The following DTNB variants were observed in gnomAD, a reference collection of about 807,000 sequenced individuals.
DTNB encodes the protein DTN-B.
A neutral mutation model predicts 90.7 loss-of-function variants in DTNB; 63 were observed. That is an observed-to-expected ratio of 0.69 (90% CI 0.57 to 0.86). DTNB has a LOEUF of 0.86. DTNB is among the 40% of genes least tolerant of loss of function. The pLI, the probability that DTNB is intolerant of heterozygous loss-of-function variation, is 0.00. For synonymous variants in DTNB, 277 were observed against 286.7 expected, an observed-to-expected ratio of 0.97 and a Z score of 0.34; for missense variants, 744 against 807.1, an observed-to-expected ratio of 0.92 and a Z score of 0.95.
intron 4 of DTNB, among the ~76,000 whole-genome samples, chr2:25,621,677 G>C (rs1179003840): frequency 1.5e-5 from 2 of 131,706 alleles, no homozygotes; most frequent in Non-Finnish European, 3.1e-5. Flanking sequence ...GGCTGGTCTT[G>C]AACTCCCGAC....
intron 9 of DTNB, among the ~76,000 whole-genome samples, chr2:25,511,979 G>A (rs562924061): frequency 6.6e-6 from 1 of 152,216 alleles, no homozygotes; most frequent in Non-Finnish European, 1.5e-5. Flanking sequence ...AAAAACCAAG[G>A]ATGTAGATTA....
chr2:25,428,770 G>A (rs545197453), intron 14 of DTNB, among the ~76,000 whole-genome samples: 69 of 152,194 alleles, frequency 4.5e-4, no homozygotes, highest in Middle Eastern at 3.4e-3. Context: ...CAGTGAAATA[G>A]AAGTCAATGG....
chr2:25,516,334 C>T (rs1295112212), intron 9 of DTNB, among the ~76,000 whole-genome samples: 2 of 152,102 alleles, frequency 1.3e-5, no homozygotes, highest in African/African-American at 2.4e-5. Flanking sequence ...GCAGCCTCAA[C>T]CTCCCAGGCT....
intron 12 of DTNB, among the ~76,000 whole-genome samples, chr2:25,449,728 A>G (rs2058981786): frequency 6.6e-6 from 1 of 150,512 alleles, no homozygotes; most frequent in African/African-American, 2.4e-5. Flanking sequence ...TGTTTTGCAA[A>G]TATTTTCTTT....
chr2:25,379,590 A>C, intron 19 of DTNB: 7 of 378,992 alleles, frequency 1.8e-5, no homozygotes, highest in Admixed American at 4.6e-5. Context: ...AACTCCTTAA[A>C]TCCAGGGAGC....
At chr2:25,471,137 C>T (rs929656635) in intron 10 of DTNB, among the ~76,000 whole-genome samples, 45 of 152,268 alleles carry the variant, frequency 3.0e-4, no homozygotes, top group Admixed American at 2.9e-3. Context: ...ATAGTACTGT[C>T]CCATGAGGGC....
chr2:25,408,296 C>T (rs544858317), intron 16 of DTNB, among the ~76,000 whole-genome samples: 4 of 148,516 alleles, frequency 2.7e-5, no homozygotes, highest in Non-Finnish European at 6.0e-5. Flanking sequence ...GCAACAAGAG[C>T]GAGACTCTGT....
intron 10 of DTNB, among the ~76,000 whole-genome samples, chr2:25,478,008 T>C (rs997959411): frequency 9.8e-5 from 8 of 81,684 alleles, no homozygotes; most frequent in Admixed American, 5.2e-4. Flanking sequence ...TTCTTGTGAG[T>C]TTTTACTTTA....
rs550313433 is a variant in DTNB at position 25,600,595 on chromosome 2, G to A, written c.449-4355C>T. The stretch of plus-strand genomic sequence containing the variant: ...CAGTCAAGTTTTCTATCGCCACTCT[G>A]TGTATTCATAACTAATTAACTAATG... On this transcript the variant is annotated intron_variant, in intron 5 of 20. Coordinates refer to ENST00000406818, the MANE Select transcript of DTNB (RefSeq NM_021907.5). 2.0e-5 allele frequency among the ~76,000 whole-genome samples: 3 copies of A among 152,280 alleles called. No homozygotes were observed. The South Asian group carries it at 6.2e-4, about 32-fold the overall frequency.
intron 10 of DTNB, chr2:25,481,624 G>A (rs994434920): frequency 2.6e-5 from 4 of 152,208 alleles, no homozygotes; most frequent in African/African-American, 7.2e-5. Context: ...GAGTCTCCAT[G>A]CGGGTAATGT....
intron 15 of DTNB, 58 bp downstream of exon 15, chr2:25,427,477 G>C: frequency 6.5e-7 from 1 of 1,549,334 alleles, no homozygotes; most frequent in East Asian, 2.3e-5. Context: ...GGAGGCAGCA[G>C]CTGAGGCTGT....
chr2:25,388,312 C>T lies in DTNB; in HGVS notation c.1625G>A (p.Arg542Gln), dbSNP rs1319182856. ...GGAGCGCACTGGCATGGGCATTGGCCGGCCGCCTCCATGGGTGGGCGATGT... is the reference window on the plus strand; with the variant it reads ...GGAGCGCACTGGCATGGGCATTGGCTGGCCGCCTCCATGGGTGGGCGATGT... ...PHTSPTHGGG[R>Q]PMPMPVRSTS... Residue 542 changes from arginine (R) to glutamine (Q), a missense_variant, in exon 17 of 21, where the codon CGG becomes CAG. Arg to Gln is a conservative substitution (Grantham distance 43). Transcript: ENST00000406818. The T allele has an allele frequency of 1.9e-5, 31 of 1,613,132 alleles. No homozygotes were observed. The highest frequency in any genetic ancestry group is 6.7e-5 in the East Asian group (3 of 44,882).
chr2:25,652,681 C>A lies in DTNB; in HGVS notation c.-1-20G>T, dbSNP rs200562762. On this transcript the variant is annotated intron_variant, in intron 1 of 20. Coordinates refer to ENST00000406818, the MANE Select transcript of DTNB (RefSeq NM_021907.5). ...ATCATCCTAGAGACAAAGAAAGATA[C>A]AATAAACCACTGTATAATTCGACAA... 8.1e-6 allele frequency: 13 copies of A among 1,606,078 alleles called. No homozygotes were observed. The highest frequency in any genetic ancestry group is 5.4e-5 in the African/African-American group (4 of 74,454).
intron 19 of DTNB, among the ~76,000 whole-genome samples, chr2:25,382,633 A>T (rs534157748): frequency 8.0e-5 from 11 of 138,048 alleles, no homozygotes; most frequent in African/African-American, 3.0e-4. Flanking sequence ...AGTTCAAGGG[A>T]TTCTCCTGCT....
chr2:25,383,709 G>A, intron 19 of DTNB, 127 bp downstream of exon 19: 2 of 1,583,642 alleles, frequency 1.3e-6, no homozygotes, highest in Non-Finnish European at 1.7e-6. Context: ...GTAGGTACAG[G>A]GACCTCGGGT....
chr2:25,556,179 T>A (rs2057327557), intron 8 of DTNB, among the ~76,000 whole-genome samples: 1 of 147,786 alleles, frequency 6.8e-6, no homozygotes, highest in East Asian at 2.0e-4. Context: ...TCTTTTTTTT[T>A]TTTTTTTTTT....
At chr2:25,617,283 G>C (rs1483402729) in intron 4 of DTNB, among the ~76,000 whole-genome samples, 1 of 152,198 alleles carries the variant, frequency 6.6e-6, no homozygotes, top group African/African-American at 2.4e-5. Flanking sequence ...GGTAAAAGTA[G>C]AGGAATCTGA....
chr2:25,387,230 A>G lies in DTNB; in HGVS notation c.1825+59T>C. On this transcript the variant is annotated intron_variant, in intron 18 of 20. Coordinates refer to ENST00000406818, the MANE Select transcript of DTNB (RefSeq NM_021907.5). The surrounding 1 kb of genome is among the most constrained non-coding windows in gnomAD (Gnocchi z 4.5). Reference sequence around the variant, plus strand: ...TTCTGCCGGTGCTGGCAAGGAAGTGAGAAGGGCGCGGGCAAGGCAGGGGAG... The same window carrying G: ...TTCTGCCGGTGCTGGCAAGGAAGTGGGAAGGGCGCGGGCAAGGCAGGGGAG... 1 of 1,545,802 alleles carries G rather than the reference A, an allele frequency of 6.5e-7. No individual in the cohort carries two copies. The highest frequency in any genetic ancestry group is 8.9e-7 in the Non-Finnish European group (1 of 1,129,162).
chr2:25,451,325 A>T (rs2059247483), intron 12 of DTNB, among the ~76,000 whole-genome samples: 1 of 152,172 alleles, frequency 6.6e-6, no homozygotes, highest in African/African-American at 2.4e-5. Flanking sequence ...ATTAGGGGGA[A>T]ATATTTCAAA....
Sources: gnomAD v4.1 joint callset for allele counts (sites outside exome capture counted in the v4.1 genomes callset) on GRCh38, gnomAD v4.1.1 for gene constraint, Gnocchi (gnomAD v3.1) non-coding constraint, MANE v1.5 for transcripts, NCBI Gene and HGNC (gene_info 2026-07-23, HGNC 2026-07-21) for gene names.